The following DRD3 variants were observed in gnomAD, a reference collection of about 807,000 sequenced individuals.
The protein encoded by DRD3 is dopamine receptor D3.
A neutral mutation model predicts 36.3 loss-of-function variants in DRD3; 19 were observed. The observed-to-expected ratio is 0.52, with a 90% CI of 0.36 to 0.77. The LOEUF (loss-of-function observed/expected upper bound fraction) is 0.77. Ranked by LOEUF, DRD3 falls within the 30% of genes least tolerant of loss-of-function variation. DRD3 has a pLI of 0.00. For missense variants in DRD3, 465 were observed against 505.3 expected, an observed-to-expected ratio of 0.92 and a Z score of 0.77; for synonymous variants, 195 against 203.7, an observed-to-expected ratio of 0.96 and a Z score of 0.36.
In DRD3 at chr3:114,171,074, C is replaced by T. The variant is rs1460693433; in HGVS notation, c.270+649G>A. On this transcript the variant is annotated intron_variant, in intron 2 of 6. Coordinates refer to ENST00000383673, the MANE Select transcript of DRD3 (RefSeq NM_000796.6). ...AAATGTTTCTCCCCAAAAGAATTCA[C>T]CAGGATCTGCTGCACTATCTCTCTG... is the stretch of plus-strand genomic sequence containing the variant. Among the ~76,000 whole-genome samples the T allele has an allele frequency of 2.0e-5, 3 of 152,278 alleles. No homozygotes were observed. In the East Asian group the frequency reaches 5.8e-4, roughly 29 times the overall value.
intron 3 of DRD3, among the ~76,000 whole-genome samples, chr3:114,157,353 C>G (rs1430173957): frequency 6.6e-6 from 1 of 152,138 alleles, no homozygotes; most frequent in Non-Finnish European, 1.5e-5. Flanking sequence ...CGTGCCTGGC[C>G]TCAATCCCCC....
intron 1 of DRD3, among the ~76,000 whole-genome samples, chr3:114,195,384 A>G (rs1017079916): frequency 2.6e-5 from 4 of 152,222 alleles, no homozygotes; most frequent in African/African-American, 9.6e-5. Context: ...TTCACTATGC[A>G]TAGCCAAGGA....
chr3:114,183,747 C>T (rs1455834999), upstream of DRD3, among the ~76,000 whole-genome samples: 1 of 152,004 alleles, frequency 6.6e-6, no homozygotes, highest in African/African-American at 2.4e-5. Flanking sequence ...CATTCCTGCT[C>T]TCTTTTGGTT....
chr3:114,184,829 G>A (rs1576088789), intron 1 of DRD3, among the ~76,000 whole-genome samples: 1 of 152,122 alleles, frequency 6.6e-6, no homozygotes, highest in East Asian at 1.9e-4. Flanking sequence ...CTCCCAAAAT[G>A]TTGGGATTAT....
Position 114,131,235 on chromosome 3 carries a change from C to T in DRD3, c.889G>A (p.Glu297Lys). The T allele has an allele frequency of 6.2e-7, 1 of 1,614,230 alleles. No individual in the cohort carries two copies. The highest frequency in any genetic ancestry group is 1.3e-5 in the African/African-American group (1 of 75,060). Residue 297 changes from glutamate (E) to lysine (K), a missense_variant, in exon 6 of 7, where the codon GAA becomes AAA. Glu to Lys is a moderately conservative substitution (Grantham distance 56). Transcript: ENST00000383673. ...CTGCCATTGCTGAGTTTTCGAACTT[C>T]TAAGCTGAGCTTGGGCGCTATGGTG... is the stretch of plus-strand genomic sequence containing the variant. ...SPTIAPKLSL[E>K]VRKLSNGRLS...
At chr3:114,190,411 A>AAC (rs1368425474) in intron 1 of DRD3, among the ~76,000 whole-genome samples, 47 of 40,888 alleles carry the variant, frequency 1.1e-3, no homozygotes, top group Middle Eastern at 0.026. Flanking sequence ...GAAAAAGGAT[A>AAC]ATATATATAT....
rs2077425628 is a variant in DRD3 at position 114,131,140 on chromosome 3, G to C, written c.984C>G (p.Thr328=). The change falls in exon 6 of 7, where the codon ACC becomes ACG. Residue 328 remains threonine, a synonymous_variant. Transcript: ENST00000383673. ...TACCAAGCACAATGGCCACCATTTG[G>C]GTTGCCTTCTTCTCCCGAAGTGGCA... ...RGVPLREKKA[T]QMVAIVLGAF... is the part of the protein sequence containing the mutation. 1 of 1,613,960 alleles carries C rather than the reference G, an allele frequency of 6.2e-7. No individual in the cohort carries two copies. The highest frequency in any genetic ancestry group is 8.5e-7 in the Non-Finnish European group (1 of 1,179,880).
chr3:114,139,776 A>T, intron 4 of DRD3, 80 bp from the exon 5 acceptor site: 1 of 1,374,414 alleles, frequency 7.3e-7, no homozygotes, highest in South Asian at 1.3e-5. Context: ...GCTCCATGTC[A>T]CGTGTGGTGC....
At chr3:114,156,400 G>A (rs2077667807) in intron 3 of DRD3, among the ~76,000 whole-genome samples, 1 of 151,914 alleles carries the variant, frequency 6.6e-6, no homozygotes, top group Non-Finnish European at 1.5e-5. Context: ...GGAATCTTGT[G>A]TTCTGTTTGA....
intron 4 of DRD3, among the ~76,000 whole-genome samples, chr3:114,145,879 A>C (rs1393640787): frequency 6.6e-6 from 1 of 152,208 alleles, no homozygotes; most frequent in Non-Finnish European, 1.5e-5. Flanking sequence ...TCATATATAA[A>C]AATAAATATT....
chr3:114,145,856 C>T (rs2077565544), intron 4 of DRD3, among the ~76,000 whole-genome samples: 2 of 152,092 alleles, frequency 1.3e-5, no homozygotes, highest in South Asian at 2.1e-4. Flanking sequence ...TTGCTGGGCT[C>T]ATTTGTAGGG....
At chr3:114,133,230 C>T (rs1297368459) in intron 5 of DRD3, among the ~76,000 whole-genome samples, 1 of 152,198 alleles carries the variant, frequency 6.6e-6, no homozygotes, top group Non-Finnish European at 1.5e-5. Context: ...CTCATGTGAT[C>T]TGCCCACCTT....
chr3:114,133,164 A>G (rs2077445834), intron 5 of DRD3, among the ~76,000 whole-genome samples: 1 of 151,804 alleles, frequency 6.6e-6, no homozygotes, highest in African/African-American at 2.4e-5. Flanking sequence ...CTAATTTTGT[A>G]TTTTTAGTAG....
At chr3:114,134,640 G>A (rs983042155) in intron 5 of DRD3, among the ~76,000 whole-genome samples, 29 of 151,690 alleles carry the variant, frequency 1.9e-4, no homozygotes, top group African/African-American at 6.1e-4. Flanking sequence ...GGCTGGTCTC[G>A]AACTCCTGAC....
In DRD3 at chr3:114,139,805, A is replaced by C. The variant is rs1017465886; in HGVS notation, c.527-109T>G. ...GTGGTGCCTGCACTTTCTGCTGCAC[A>C]GGGGGTGGGAAGGATGCAGTCTCAG... On this transcript the variant is annotated intron_variant, in intron 4 of 6. Transcript: ENST00000383673. The C allele has an allele frequency of 6.9e-6, 7 of 1,018,408 alleles. No homozygotes were observed. In the Admixed American group the frequency reaches 1.6e-4, roughly 24 times the overall value. 63.1% of individuals were successfully genotyped at this position (1,018,408 alleles called of 1,614,324 possible).
At position 114,172,005 on chromosome 3, in the gene DRD3, G is replaced by T. The variant is rs1331908588; in HGVS notation, c.-13C>A. 7.0e-7 allele frequency: 1 copy of T among 1,424,260 alleles called. No homozygotes were observed. Among genetic ancestry groups the T allele is most frequent in the Admixed American group, 3.0e-5 (1 of 33,648 alleles). The allele number at this position is 1,424,260 out of a possible 1,614,324, so 88.2% of individuals were successfully genotyped here. A position where few individuals can be genotyped will look rare whatever the true frequency, so the allele number is the denominator to read the frequency against. On this transcript the variant is annotated 5_prime_UTR_variant, in exon 2 of 7. Coordinates refer to ENST00000383673, the MANE Select transcript of DRD3 (RefSeq NM_000796.6). ...TCAGAGATGCCATAGCCCAGAGGGA[G>T]GTGCGTGATGCCAAGGGGCTTCCTG...
At chr3:114,137,129 T>C (rs1174622381) in intron 5 of DRD3, among the ~76,000 whole-genome samples, 1 of 152,220 alleles carries the variant, frequency 6.6e-6, no homozygotes, top group Admixed American at 6.5e-5. Context: ...GATATATGTG[T>C]GGGAATCAGG....
chr3:114,166,560 C>A (rs112017155), intron 2 of DRD3, among the ~76,000 whole-genome samples: 2,671 of 152,274 alleles, frequency 0.018, 76 homozygotes, highest in African/African-American at 0.058. Context: ...AAGGCCCTTC[C>A]CAGATGGAGG....
intron 6 of DRD3, among the ~76,000 whole-genome samples, chr3:114,129,387 G>A (rs1027950287): frequency 1.2e-4 from 18 of 152,052 alleles, no homozygotes; most frequent in African/African-American, 4.4e-4. Context: ...CTATGAAATA[G>A]GTGTGATTAG....
Sources: allele counts gnomAD v4.1 joint callset (sites outside exome capture counted in the v4.1 genomes callset), GRCh38; gene constraint gnomAD v4.1.1; transcripts MANE v1.5; gene names NCBI Gene and HGNC (gene_info 2026-07-23, HGNC 2026-07-21).